FGF9: variants seen among roughly 807,000 people sequenced by gnomAD.
FGF9 encodes the protein fibroblast growth factor 9.
Under a neutral mutation model 19.9 loss-of-function variants are expected in FGF9, and 3 were observed. The ratio of observed to expected loss-of-function variants is 0.15; its 90% CI spans 0.07 to 0.39. The LOEUF is 0.39. FGF9 is among the 10% of genes least tolerant of loss of function. The pLI, the probability that FGF9 is intolerant of heterozygous loss-of-function variation, is 1.00. For missense variants in FGF9, 175 were observed against 256.8 expected, an observed-to-expected ratio of 0.68 and a Z score of 2.18; for synonymous variants, 107 against 106.9, an observed-to-expected ratio of 1.00 and a Z score of -0.01.
chr13:21,691,627 C>T lies in FGF9; in HGVS notation c.382-9563C>T, dbSNP rs1219918788. Among the ~76,000 whole-genome samples, 1 of 152,252 alleles carries T rather than the reference C, an allele frequency of 6.6e-6. No homozygotes were observed. Among genetic ancestry groups the T allele is most frequent in the African/African-American group, 2.4e-5 (1 of 41,472 alleles). On this transcript the variant is annotated intron_variant, in intron 2 of 2. Transcript: ENST00000382353. This position sits in a 1 kb window ranked among gnomAD's most constrained non-coding sequence, Gnocchi z 4.2. ...CAGCCCCTCCGGGGCTGTCGTTCAG[C>T]GTCCTGGCCCGAGAGATGCCCTCCA...
At chr13:21,696,239 T>C (rs144793016) in intron 2 of FGF9, among the ~76,000 whole-genome samples, 2 of 152,362 alleles carry the variant, frequency 1.3e-5, no homozygotes, top group East Asian at 3.9e-4. Context: ...TAGGATTTGG[T>C]AAAAGTTTTG....
intron 1 of FGF9, among the ~76,000 whole-genome samples, chr13:21,679,673 T>C (rs1871993218): frequency 6.6e-6 from 1 of 150,750 alleles, no homozygotes; most frequent in Non-Finnish European, 1.5e-5. Context: ...GCGCGGTAGC[T>C]CACGCCTGTA....
In FGF9 at chr13:21,701,586, G is replaced by T; in HGVS notation, c.*151G>T. The T allele has an allele frequency of 7.3e-6, 8 of 1,095,544 alleles. No individual in the cohort carries two copies. The South Asian group carries it at 8.3e-5, about 11-fold the overall frequency. The allele number at this position is 1,095,544 out of a possible 1,614,324, so 67.9% of individuals were successfully genotyped here. On this transcript the variant is annotated 3_prime_UTR_variant, in exon 3 of 3. Coordinates refer to ENST00000382353, the MANE Select transcript of FGF9 (RefSeq NM_002010.3). ...TAATGTATGATGGAGGCTTGGATGG[G>T]AATATGCTGATTTTGTTCTGCACTT...
chr13:21,684,835 A>C (rs1282244038), intron 2 of FGF9, among the ~76,000 whole-genome samples: 1 of 152,144 alleles, frequency 6.6e-6, no homozygotes, highest in Non-Finnish European at 1.5e-5. Flanking sequence ...TTCTCTGTGC[A>C]CACAAAATGT....
chr13:21,698,227 CATA>C (rs1165946600), intron 2 of FGF9, among the ~76,000 whole-genome samples: 3 of 152,180 alleles, frequency 2.0e-5, no homozygotes, highest in African/African-American at 7.2e-5. Flanking sequence ...GGCTTCATTA[CATA>C]ATAACAAGAT....
At chr13:21,693,276 A>G (rs1018851129) in intron 2 of FGF9, among the ~76,000 whole-genome samples, 2 of 152,052 alleles carry the variant, frequency 1.3e-5, no homozygotes, top group African/African-American at 2.4e-5. Flanking sequence ...ATGTGAGTAT[A>G]GTGGGGGCTA....
chr13:21,701,700 AGTGTGTGTATGTGTGTGTGT>A lies in FGF9; in HGVS notation c.*274_*293del. 2 of 441,906 alleles carry A rather than the reference AGTGTGTGTATGTGTGTGTGT, an allele frequency of 4.5e-6. No homozygotes were observed. Among genetic ancestry groups the A allele is most frequent in the Non-Finnish European group, 8.1e-6 (2 of 246,510 alleles). The allele number at this position is 441,906 out of a possible 1,614,324, so 27.4% of individuals were successfully genotyped here. A position where few individuals can be genotyped will look rare whatever the true frequency, so the allele number is the denominator to read the frequency against. On this transcript the variant is annotated 3_prime_UTR_variant, in exon 3 of 3. Coordinates refer to ENST00000382353, the MANE Select transcript of FGF9 (RefSeq NM_002010.3). ...AGAGAGAGAGAGACTGAGCGCTAGGAGTGTGTGTATGTGTGTGTGTGTGTGTGTGTGTGTGTGTGTATGTG... is the reference window on the plus strand; with the variant it reads ...AGAGAGAGAGAGACTGAGCGCTAGGAGTGTGTGTGTGTGTGTGTGTATGTG...
At chr13:21,674,336 G>T (rs936804646) in intron 1 of FGF9, 17 of 150,560 alleles carry the variant, frequency 1.1e-4, no homozygotes, top group Admixed American at 9.9e-4. Context: ...GGCCGGAGCC[G>T]CAGGGAAAGG....
At chr13:21,697,450 G>T (rs978715427) in intron 2 of FGF9, among the ~76,000 whole-genome samples, 1 of 152,100 alleles carries the variant, frequency 6.6e-6, no homozygotes, top group African/African-American at 2.4e-5. Flanking sequence ...CCTGGCCAAT[G>T]ATACTGTTTG....
At chr13:21,696,289 T>C (rs1280073738) in intron 2 of FGF9, among the ~76,000 whole-genome samples, 1 of 152,216 alleles carries the variant, frequency 6.6e-6, no homozygotes, top group African/African-American at 2.4e-5. Context: ...TGGAATTTGA[T>C]GATATAAAAT....
At position 21,691,805 on chromosome 13, in the gene FGF9, C is replaced by T. The variant is rs142451276; in HGVS notation, c.382-9385C>T. 6.6e-5 allele frequency among the ~76,000 whole-genome samples: 10 copies of T among 152,298 alleles called. No individual in the cohort carries two copies. Among genetic ancestry groups the T allele is most frequent in the Middle Eastern group, 6.8e-3 (2 of 294 alleles). On this transcript the variant is annotated intron_variant, in intron 2 of 2. Coordinates refer to ENST00000382353, the MANE Select transcript of FGF9 (RefSeq NM_002010.3). The surrounding 1 kb of genome is among the most constrained non-coding windows in gnomAD (Gnocchi z 4.2). Reference sequence around the variant, plus strand: ...CGGCTGGCCTGGTGTGCCTCAGTGGCACTGTGACAACCGGCTGAGAAAAAT... The same window carrying T: ...CGGCTGGCCTGGTGTGCCTCAGTGGTACTGTGACAACCGGCTGAGAAAAAT...
At chr13:21,673,332 C>T (rs563771539) in intron 1 of FGF9, among the ~76,000 whole-genome samples, 1 of 152,232 alleles carries the variant, frequency 6.6e-6, no homozygotes, top group African/African-American at 2.4e-5. Flanking sequence ...TGTTTAGCTT[C>T]GTGCGGCTGC....
At chr13:21,695,794 T>A (rs1434559374) in intron 2 of FGF9, among the ~76,000 whole-genome samples, 1 of 152,220 alleles carries the variant, frequency 6.6e-6, no homozygotes, top group Non-Finnish European at 1.5e-5. Flanking sequence ...CATTAACTTA[T>A]GAAATGTTTG....
At chr13:21,673,428 C>T (rs1871818263) in intron 1 of FGF9, among the ~76,000 whole-genome samples, 1 of 152,144 alleles carries the variant, frequency 6.6e-6, no homozygotes, top group African/African-American at 2.4e-5. Context: ...TCCTCATGCT[C>T]ACCCCTGAGC....
chr13:21,675,192 T>C (rs889905476), intron 1 of FGF9, among the ~76,000 whole-genome samples: 4 of 151,490 alleles, frequency 2.6e-5, no homozygotes, highest in Non-Finnish European at 5.9e-5. Flanking sequence ...CCACTCACTC[T>C]GGCTGGGATG....
At position 21,701,178 on chromosome 13, in the gene FGF9, T is replaced by G; in HGVS notation, c.382-12T>G. On this transcript the variant is annotated splice_polypyrimidine_tract_variant and intron_variant, in intron 2 of 2. Coordinates refer to ENST00000382353, the MANE Select transcript of FGF9 (RefSeq NM_002010.3). ...ATTTTTCCTAATGCTCTCCCTCTTTTTCTTTTTACAGGAAAAACTAACCCA... is the reference window on the plus strand; with the variant it reads ...ATTTTTCCTAATGCTCTCCCTCTTTGTCTTTTTACAGGAAAAACTAACCCA... The G allele has an allele frequency of 6.2e-7, 1 of 1,612,290 alleles. No individual in the cohort carries two copies. Among genetic ancestry groups the G allele is most frequent in the Non-Finnish European group, 8.5e-7 (1 of 1,178,828 alleles).
At chr13:21,673,096 G>A (rs1871807969) in intron 1 of FGF9, among the ~76,000 whole-genome samples, 1 of 152,066 alleles carries the variant, frequency 6.6e-6, no homozygotes, top group African/African-American at 2.4e-5. Context: ...GAGCCCAACG[G>A]CACGAAGTCA....
intron 1 of FGF9, among the ~76,000 whole-genome samples, chr13:21,674,411 C>T (rs1410767749): frequency 6.6e-6 from 1 of 151,962 alleles, no homozygotes; most frequent in Admixed American, 6.5e-5. Flanking sequence ...TATTGTTAAC[C>T]GCTTTCCGAG....
Position 21,703,126 on chromosome 13 carries a change from C to T in FGF9, c.*1691C>T, listed in dbSNP as rs1016270910. ...AAAAAAGGAATTTATAACAAATTCT[C>T]ATCTACATATGACACTTTCTAGCCA... On this transcript the variant is annotated 3_prime_UTR_variant, in exon 3 of 3. Transcript: ENST00000382353. The T allele has an allele frequency of 2.0e-5, 3 of 152,224 alleles. No homozygotes were observed. Among genetic ancestry groups the T allele is most frequent in the Admixed American group, 1.3e-4 (2 of 15,286 alleles). 9.4% of individuals were successfully genotyped at this position (152,224 alleles called of 1,614,324 possible).
Sources: gnomAD v4.1 joint callset for allele counts (sites outside exome capture counted in the v4.1 genomes callset) on GRCh38, gnomAD v4.1.1 for gene constraint, Gnocchi (gnomAD v3.1) non-coding constraint, MANE v1.5 for transcripts, NCBI Gene and HGNC (gene_info 2026-07-23, HGNC 2026-07-21) for gene names.